Variants in ZMYND8 observed in about 807,000 individuals in gnomAD.
The protein encoded by ZMYND8 is zinc finger MYND-type containing 8, also known as MYND-type zinc finger-containing chromatin reader ZMYND8.
In ZMYND8, 37 loss-of-function variants were observed where a neutral mutation model predicts 140.8. The ratio of observed to expected loss-of-function variants is 0.26; its 90% confidence interval spans 0.20 to 0.35. The LOEUF (loss-of-function observed/expected upper bound fraction) is 0.35, where lower values mean the gene tolerates loss of function less well. Ranked by LOEUF, ZMYND8 falls within the 10% of genes least tolerant of loss-of-function variation. ZMYND8 has a pLI of 1.00. For missense variants in ZMYND8, 1,068 were observed against 1,570.0 expected (o/e 0.68, Z 5.40); for synonymous variants, 592 against 597.1 (o/e 0.99, Z 0.12).
At chr20:47,350,470 T>G (rs1156522231) in intron 1 of ZMYND8, among the ~76,000 whole-genome samples, 3 of 145,518 alleles carry the variant, frequency 2.1e-5, no homozygotes, top group Non-Finnish European at 3.0e-5. Flanking sequence ...TGTGTGTGTG[T>G]TTTTTTTTGA....
At chr20:47,230,423 T>A (rs566965656) in intron 16 of ZMYND8, among the ~76,000 whole-genome samples, 2 of 152,192 alleles carry the variant, frequency 1.3e-5, no homozygotes, top group South Asian at 4.1e-4. Flanking sequence ...CCCAAGTAGT[T>A]GGGATTACAA....
intron 16 of ZMYND8, 78 bp downstream of exon 16, chr20:47,236,248 G>T: frequency 6.4e-7 from 1 of 1,569,398 alleles, no homozygotes. Flanking sequence ...AGACGCTCAC[G>T]CTTCCCCTCG....
In ZMYND8 at chr20:47,231,338, C is replaced by T. The variant is rs78018038; in HGVS notation, c.2857-1532G>A. 7.9e-3 allele frequency among the ~76,000 whole-genome samples: 1,208 copies of T among 152,198 alleles called. 19 individuals carry two copies. Among genetic ancestry groups the T allele is most frequent in the African/African-American group, 0.027 (1,109 of 41,516 alleles). ...TAGATGCCCCAATTCAGGGAGAAGG[C>T]GGGACAAAGAGCAGCCTCCTATCTG... On this transcript the variant is annotated intron_variant, in intron 16 of 22. Transcript: ENST00000471951.
chr20:47,248,914 G>T (rs2073944775), intron 13 of ZMYND8, among the ~76,000 whole-genome samples: 1 of 152,198 alleles, frequency 6.6e-6, no homozygotes, highest in Non-Finnish European at 1.5e-5. Context: ...GAGGGAAAGG[G>T]TTTCGTGTCG....
chr20:47,310,255 C>A, intron 2 of ZMYND8, 51 bp from the exon 3 acceptor site: 1 of 1,544,128 alleles, frequency 6.5e-7, no homozygotes, highest in Non-Finnish European at 8.7e-7. Flanking sequence ...GAGGCCTGGG[C>A]CCCACAGGGA....
chr20:47,345,526 A>G (rs1302526543), intron 2 of ZMYND8, among the ~76,000 whole-genome samples: 5 of 142,162 alleles, frequency 3.5e-5, no homozygotes, highest in African/African-American at 1.3e-4. Flanking sequence ...TTTTTTTTTT[A>G]AGACGGAGTC....
At chr20:47,351,799 G>A (rs2082805515) in intron 1 of ZMYND8, 3 of 985,428 alleles carry the variant, frequency 3.0e-6, no homozygotes, top group Non-Finnish European at 3.6e-6. Flanking sequence ...CTGTGTTGAA[G>A]CTAAAATGGT....
At chr20:47,262,518 T>G (rs914226746) in intron 11 of ZMYND8, 90 bp from the exon 12 acceptor site, 7 of 1,539,118 alleles carry the variant, frequency 4.5e-6, no homozygotes, top group Non-Finnish European at 6.2e-6. Flanking sequence ...GGAGAGATTA[T>G]GAAATTGTGT....
chr20:47,256,997 C>A (rs2074782293), intron 12 of ZMYND8, among the ~76,000 whole-genome samples: 1 of 152,160 alleles, frequency 6.6e-6, no homozygotes, highest in African/African-American at 2.4e-5. Flanking sequence ...TCAGAGAAAG[C>A]AAACAGGAGT....
At chr20:47,314,504 A>G (rs553120989) in intron 2 of ZMYND8, among the ~76,000 whole-genome samples, 1 of 152,206 alleles carries the variant, frequency 6.6e-6, no homozygotes, top group Non-Finnish European at 1.5e-5. Flanking sequence ...ATCTTTAAAA[A>G]CAAAACAAAA....
intron 11 of ZMYND8, among the ~76,000 whole-genome samples, chr20:47,269,517 G>A (rs538260468): frequency 6.6e-6 from 1 of 152,338 alleles, no homozygotes; most frequent in East Asian, 1.9e-4. Flanking sequence ...CCCAAAGGAA[G>A]AACTAATTGC....
chr20:47,259,752 G>T (rs143980773), intron 12 of ZMYND8, among the ~76,000 whole-genome samples: 2 of 152,262 alleles, frequency 1.3e-5, no homozygotes, highest in African/African-American at 4.8e-5. Flanking sequence ...AGCCAATGGG[G>T]CTGGAGTCTT....
chr20:47,280,361 A>G (rs911351265), intron 10 of ZMYND8, among the ~76,000 whole-genome samples: 2 of 152,068 alleles, frequency 1.3e-5, no homozygotes, highest in African/African-American at 4.8e-5. Context: ...TTTTTCACAA[A>G]CAGAAGGGGG....
intron 12 of ZMYND8, among the ~76,000 whole-genome samples, chr20:47,257,216 G>C (rs2074800931): frequency 6.6e-6 from 1 of 151,968 alleles, no homozygotes. Flanking sequence ...GCAAGAACCA[G>C]GTCTCTGTAC....
At chr20:47,295,010 AGAC>A (rs1238460885) in intron 4 of ZMYND8, among the ~76,000 whole-genome samples, 1 of 152,232 alleles carries the variant, frequency 6.6e-6, no homozygotes, top group Non-Finnish European at 1.5e-5. Context: ...TAGCTCAGGA[AGAC>A]GACATGATCT....
At chr20:47,228,310 C>T (rs1442437097) in intron 17 of ZMYND8, among the ~76,000 whole-genome samples, 1 of 152,076 alleles carries the variant, frequency 6.6e-6, no homozygotes, top group Non-Finnish European at 1.5e-5. Flanking sequence ...CTGGTTCAAA[C>T]GTCAGTATAG....
chr20:47,237,011 A>T (rs1415453710), intron 15 of ZMYND8, among the ~76,000 whole-genome samples: 3 of 152,150 alleles, frequency 2.0e-5, no homozygotes, highest in Admixed American at 2.0e-4. Context: ...GTACAAATCA[A>T]AGTTAATTTC....
chr20:47,308,193 C>G (rs931344811), intron 3 of ZMYND8, among the ~76,000 whole-genome samples: 4 of 148,748 alleles, frequency 2.7e-5, no homozygotes, highest in South Asian at 2.1e-4. Context: ...CCACATGTGA[C>G]CTGTGGCTAC....
chr20:47,235,349 G>A lies in ZMYND8; in HGVS notation c.2856+977C>T, dbSNP rs78783566. ...AAGATACACAGCACATCAGTCCAGC[G>A]CACTCTCACATGACGCTGAGAACTG... On this transcript the variant is annotated intron_variant, in intron 16 of 22. Coordinates refer to ENST00000471951, the MANE Select transcript of ZMYND8 (RefSeq NM_001281775.3). Among the ~76,000 whole-genome samples, 396 of 152,218 alleles carry A rather than the reference G, an allele frequency of 2.6e-3. 3 individuals are homozygous for A. The highest frequency in any genetic ancestry group is 8.9e-3 in the African/African-American group (371 of 41,524).
Sources: gnomAD v4.1 joint callset for allele counts (sites outside exome capture counted in the v4.1 genomes callset) on GRCh38, gnomAD v4.1.1 for gene constraint, MANE v1.5 for transcripts, NCBI Gene and HGNC (gene_info 2026-07-23, HGNC 2026-07-21) for gene names.